Variants in ST6GAL1 observed in about 807,000 individuals in gnomAD.
The protein encoded by ST6GAL1 is ST6 beta-galactoside alpha-2,6-sialyltransferase 1.
In ST6GAL1, 20 loss-of-function variants were observed where a neutral mutation model predicts 38.0. The ratio of observed to expected loss-of-function variants is 0.53; its 90% CI spans 0.37 to 0.77. The LOEUF is 0.77. Ranked by LOEUF, ST6GAL1 falls within the 30% of genes least tolerant of loss-of-function variation. ST6GAL1 has a pLI of 0.00. For missense variants in ST6GAL1, 432 were observed against 496.4 expected, an observed-to-expected ratio of 0.87 and a Z score of 1.23; for synonymous variants, 196 against 188.2, an observed-to-expected ratio of 1.04 and a Z score of -0.34.
At chr3:187,010,258 G>A (rs1182146245) in intron 2 of ST6GAL1, among the ~76,000 whole-genome samples, 2 of 152,158 alleles carry the variant, frequency 1.3e-5, no homozygotes, top group African/African-American at 2.4e-5. Flanking sequence ...CAGAGAAGAC[G>A]TTCCATGTTA....
intron 5 of ST6GAL1, among the ~76,000 whole-genome samples, chr3:187,053,956 G>C (rs1022651089): frequency 6.6e-6 from 1 of 151,968 alleles, no homozygotes; most frequent in African/African-American, 2.4e-5. Context: ...CCATTTGTTT[G>C]TGTCCTCTTT....
At chr3:187,054,958 A>T (rs1356494885) in intron 5 of ST6GAL1, among the ~76,000 whole-genome samples, 2 of 152,130 alleles carry the variant, frequency 1.3e-5, no homozygotes, top group Non-Finnish European at 2.9e-5. Flanking sequence ...GCTATTAGTT[A>T]TTGCCTCAAT....
Position 187,042,925 on chromosome 3 carries a change from C to A in ST6GAL1, c.222C>A (p.Gly74=), listed in dbSNP as rs963495848. The A allele has an allele frequency of 1.9e-6, 3 of 1,614,080 alleles. No individual in the cohort carries two copies. In the African/African-American group the frequency reaches 4.0e-5, roughly 22 times the overall value. ...GCAGCACCCAGGACCCCCACAGGGG[C>A]CGCCAGACCCTCGGCAGTCTCAGAG... is the stretch of plus-strand genomic sequence containing the variant. ...SSSSTQDPHR[G]RQTLGSLRGL... The change falls in exon 4 of 8, where the codon GGC becomes GGA. Residue 74 remains glycine (G), a synonymous_variant. Transcript: ENST00000169298.
chr3:186,969,013 T>C (rs1295207484), intron 2 of ST6GAL1, among the ~76,000 whole-genome samples: 1 of 151,788 alleles, frequency 6.6e-6, no homozygotes, highest in East Asian at 1.9e-4. Flanking sequence ...TGGTATGATC[T>C]ATCTTTTTCT....
intron 5 of ST6GAL1, among the ~76,000 whole-genome samples, chr3:187,065,901 C>T (rs1579378080): frequency 6.6e-6 from 1 of 152,280 alleles, no homozygotes; most frequent in African/African-American, 2.4e-5. Flanking sequence ...CACCATTTTA[C>T]CTCAGAACTC....
At chr3:187,072,705 C>A in intron 5 of ST6GAL1, 144 bp from the exon 6 acceptor site, 1 of 754,388 alleles carries the variant, frequency 1.3e-6, no homozygotes, top group East Asian at 2.6e-5. Context: ...TTTCTTTCAC[C>A]GAAGTTAAGT....
At chr3:186,967,389 G>A (rs1330812572) in intron 2 of ST6GAL1, among the ~76,000 whole-genome samples, 2 of 152,132 alleles carry the variant, frequency 1.3e-5, no homozygotes, top group Non-Finnish European at 2.9e-5. Context: ...ACGGGGTTTT[G>A]CCATGTTGGC....
chr3:186,987,389 C>G (rs562839767), intron 2 of ST6GAL1, among the ~76,000 whole-genome samples: 71 of 152,152 alleles, frequency 4.7e-4, no homozygotes, highest in Non-Finnish European at 9.0e-4. Flanking sequence ...GTAACCTACC[C>G]AAGGTCCACA....
intron 4 of ST6GAL1, among the ~76,000 whole-genome samples, chr3:187,050,786 T>C (rs547754788): frequency 6.6e-6 from 1 of 152,174 alleles, no homozygotes; most frequent in Non-Finnish European, 1.5e-5. Flanking sequence ...CACTGCATGC[T>C]TTTCAAAGTG....
chr3:187,064,825 C>G (rs1719042013), intron 5 of ST6GAL1, among the ~76,000 whole-genome samples: 1 of 152,268 alleles, frequency 6.6e-6, no homozygotes, highest in Non-Finnish European at 1.5e-5. Flanking sequence ...GTTATCCTAA[C>G]TATTTTGTGT....
chr3:186,932,831 A>G (rs1713807381), intron 1 of ST6GAL1, among the ~76,000 whole-genome samples: 1 of 152,224 alleles, frequency 6.6e-6, no homozygotes, highest in South Asian at 2.1e-4. Flanking sequence ...TAGGAAAACC[A>G]AAAAAACACT....
chr3:187,000,207 T>C (rs1411659354), intron 2 of ST6GAL1, among the ~76,000 whole-genome samples: 1 of 152,192 alleles, frequency 6.6e-6, no homozygotes, highest in Non-Finnish European at 1.5e-5. Flanking sequence ...AATCATAGTC[T>C]GTTTGCAAAG....
At chr3:187,050,080 C>T (rs1055151133) in intron 4 of ST6GAL1, among the ~76,000 whole-genome samples, 61 of 152,292 alleles carry the variant, frequency 4.0e-4, no homozygotes, top group African/African-American at 1.3e-3. Context: ...TTAGTACATA[C>T]ATTGGAACTG....
chr3:187,051,410 A>G, intron 5 of ST6GAL1, 64 bp downstream of exon 5: 1 of 1,471,300 alleles, frequency 6.8e-7, no homozygotes, highest in Admixed American at 1.7e-5. Context: ...CTAATGTGGA[A>G]TGTATCTACT....
chr3:187,072,317 A>G (rs992286333), intron 5 of ST6GAL1: 1 of 159,712 alleles, frequency 6.3e-6, no homozygotes, highest in Non-Finnish European at 1.4e-5. Flanking sequence ...CTCAACCACA[A>G]GCACAGCCAT....
intron 1 of ST6GAL1, among the ~76,000 whole-genome samples, chr3:186,962,393 C>A (rs1353301158): frequency 6.6e-6 from 1 of 152,180 alleles, no homozygotes. Context: ...CATAATGGGT[C>A]TTATCTTAGG....
At chr3:186,966,143 G>A (rs374227308) in intron 2 of ST6GAL1, among the ~76,000 whole-genome samples, 1 of 152,046 alleles carries the variant, frequency 6.6e-6, no homozygotes. Context: ...CAGGTAATCC[G>A]CCTGCCTAGG....
At chr3:186,990,650 C>CTT (rs111805405) in intron 2 of ST6GAL1, among the ~76,000 whole-genome samples, 41 of 129,560 alleles carry the variant, frequency 3.2e-4, no homozygotes, top group Admixed American at 5.5e-4. Flanking sequence ...ACAGGATGTT[C>CTT]TTTTTTTTTT....
chr3:187,013,319 G>T lies in ST6GAL1; in HGVS notation c.-182-25423G>T, dbSNP rs150879285. On this transcript the variant is annotated intron_variant, in intron 2 of 7. Transcript: ENST00000169298. ...TTCCCCTGTGCTTTCCCATAACTCTGTGAAATAGGGACTATTAAGCCCTTT... is the reference window on the plus strand; with the variant it reads ...TTCCCCTGTGCTTTCCCATAACTCTTTGAAATAGGGACTATTAAGCCCTTT... Among the ~76,000 whole-genome samples, 1,255 of 152,232 alleles carry T rather than the reference G, an allele frequency of 8.2e-3. 15 individuals are homozygous for T. The highest frequency in any genetic ancestry group is 0.034 in the East Asian group (174 of 5,180).
Sources: gnomAD v4.1 joint callset for allele counts (sites outside exome capture counted in the v4.1 genomes callset) on GRCh38, gnomAD v4.1.1 for gene constraint, MANE v1.5 for transcripts, NCBI Gene and HGNC (gene_info 2026-07-23, HGNC 2026-07-21) for gene names.